CFAP46: variants seen among roughly 807,000 people sequenced by gnomAD.
CFAP46 encodes the protein cilia- and flagella-associated protein 46.
In CFAP46, 245 loss-of-function variants were observed where a neutral mutation model predicts 325.7. The ratio of observed to expected loss-of-function variants is 0.75; its 90% CI spans 0.68 to 0.84. The LOEUF (loss-of-function observed/expected upper bound fraction) is 0.84. Among genes scored for constraint, CFAP46 ranks in the 40% least tolerant of loss-of-function variants. The pLI is 0.00. For synonymous variants in CFAP46, 1,523 were observed against 1,495.9 expected, an observed-to-expected ratio of 1.02 and a Z score of -0.42; for missense variants, 3,346 against 3,543.0, an observed-to-expected ratio of 0.94 and a Z score of 1.41.
rs533922113 is a variant in CFAP46 at position 132,939,975 on chromosome 10, CCT to C, written c.371+1019_371+1020del. Among the ~76,000 whole-genome samples the C allele has an allele frequency of 6.6e-5, 10 of 152,186 alleles. No individual in the cohort carries two copies. The highest frequency in any genetic ancestry group is 1.3e-4 in the Non-Finnish European group (9 of 68,032). On this transcript the variant is annotated intron_variant, in intron 4 of 57. Coordinates refer to ENST00000368586, the MANE Select transcript of CFAP46 (RefSeq NM_001200049.3). The surrounding 1 kb of genome is among the most constrained non-coding windows in gnomAD (Gnocchi z 4.6). Reference sequence around the variant, plus strand: ...GACCTCTGGCAAGGCTCTGTCACCCCCTGACCCGTCCACAGTGCCCCTGAGGG... The same window carrying C: ...GACCTCTGGCAAGGCTCTGTCACCCCGACCCGTCCACAGTGCCCCTGAGGG...
At chr10:132,879,320 G>T in intron 29 of CFAP46, 106 bp downstream of exon 29, 2 of 1,130,196 alleles carry the variant, frequency 1.8e-6, no homozygotes, top group Non-Finnish European at 2.4e-6. Flanking sequence ...TTTAGGAAAT[G>T]CTGGGAAAGA....
intron 50 of CFAP46, among the ~76,000 whole-genome samples, chr10:132,823,963 G>A (rs866953989): frequency 6.5e-5 from 9 of 137,488 alleles, no homozygotes; most frequent in African/African-American, 2.5e-4. Flanking sequence ...TGTGTGCTGT[G>A]TGAGTGCTAA....
chr10:132,897,978 G>T (rs1203782112), intron 24 of CFAP46, among the ~76,000 whole-genome samples: 1 of 106,242 alleles, frequency 9.4e-6, no homozygotes, highest in Non-Finnish European at 1.8e-5. Flanking sequence ...TCTGCCTGCT[G>T]TCTGGTGCCC....
chr10:132,935,804 C>T, intron 7 of CFAP46, among the ~76,000 whole-genome samples: 1 of 107,790 alleles, frequency 9.3e-6, no homozygotes, highest in Admixed American at 9.1e-5. Flanking sequence ...CACATCCAAA[C>T]ACACTGTGAT....
At chr10:132,916,193 C>T (rs1024139948) in intron 17 of CFAP46, among the ~76,000 whole-genome samples, 4 of 152,212 alleles carry the variant, frequency 2.6e-5, no homozygotes, top group Non-Finnish European at 2.9e-5. Flanking sequence ...TTTTCTGCCA[C>T]GAAGACCACC....
chr10:132,910,159 C>T (rs145384274), intron 19 of CFAP46, 91 bp from the exon 20 acceptor site: 47 of 1,218,578 alleles, frequency 3.9e-5, no homozygotes, highest in Admixed American at 8.0e-5. Flanking sequence ...GGATGGAGCC[C>T]GCTCCTGATC....
chr10:132,867,553 A>G (rs1591063393), intron 33 of CFAP46, 46 bp from the exon 34 acceptor site: 2 of 1,539,292 alleles, frequency 1.3e-6, no homozygotes, highest in Non-Finnish European at 1.7e-6. Flanking sequence ...CATGGCCACG[A>G]AAATGTCCCT....
chr10:132,846,149 G>A lies in CFAP46; in HGVS notation c.6346C>T (p.Leu2116=), dbSNP rs1005098464. 6.2e-7 allele frequency: 1 copy of A among 1,611,526 alleles called. No homozygotes were observed. The highest frequency in any genetic ancestry group is 1.3e-5 in the African/African-American group (1 of 75,008). Residue 2116 remains leucine, a synonymous_variant, in exon 44 of 58, where the codon CTG becomes TTG. Coordinates refer to ENST00000368586, the MANE Select transcript of CFAP46 (RefSeq NM_001200049.3). ...CGGAGCTGGTGCTGTAGCTGCAGCA[G>A]GGCCGCCAGCTGTGAGCTGCTGGTG... ...ANTSSSQLAA[L]LQLQHQLRCQ...
chr10:132,823,872 G>A (rs1242457129), intron 50 of CFAP46, among the ~76,000 whole-genome samples: 8 of 144,858 alleles, frequency 5.5e-5, no homozygotes, highest in South Asian at 2.4e-4. Flanking sequence ...CTGTCTGTGC[G>A]CTGATGTGCG....
intron 50 of CFAP46, among the ~76,000 whole-genome samples, chr10:132,824,013 C>CTGATGTGTGCTGTGTGAGTGCTGA (rs377590877): frequency 1.1e-5 from 1 of 90,354 alleles, no homozygotes; most frequent in Non-Finnish European, 2.1e-5. Flanking sequence ...TGTGTGTGTG[C>CTGATGTGTGCTGTGTGAGTGCTGA]TGTGTGCTGT....
chr10:132,831,220 C>CTGTGTGTGTGTGTGTGTG (rs56965336), intron 50 of CFAP46, among the ~76,000 whole-genome samples: 3,384 of 148,122 alleles, frequency 0.023, 42 homozygotes, highest in Non-Finnish European at 0.025. Flanking sequence ...GTCAAATGTT[C>CTGTGTGTGTGTGTGTGTG]TGTGTGTGTG....
intron 4 of CFAP46, among the ~76,000 whole-genome samples, chr10:132,940,578 ACT>A (rs1418248413): frequency 2.7e-5 from 4 of 147,258 alleles, no homozygotes; most frequent in African/African-American, 1.0e-4. Context: ...GAGAAAACAG[ACT>A]CTTTTTTTTT....
intron 8 of CFAP46, among the ~76,000 whole-genome samples, chr10:132,934,062 T>A (rs1849954475): frequency 6.6e-6 from 1 of 152,198 alleles, no homozygotes; most frequent in African/African-American, 2.4e-5. Context: ...AGCTCCTAAG[T>A]TTGTGGGTAC....
intron 50 of CFAP46, among the ~76,000 whole-genome samples, chr10:132,826,527 C>T (rs1422805130): frequency 8.2e-5 from 10 of 122,278 alleles, no homozygotes; most frequent in Admixed American, 1.7e-4. Flanking sequence ...ACCGGAGCCA[C>T]GGAGACCAGC....
At chr10:132,825,482 G>A (rs972042919) in intron 50 of CFAP46, among the ~76,000 whole-genome samples, 2 of 152,200 alleles carry the variant, frequency 1.3e-5, no homozygotes, top group Non-Finnish European at 2.9e-5. Context: ...TCACGATAAT[G>A]TCTTCGTGGA....
Position 132,859,065 on chromosome 10 carries a change from C to A in CFAP46, c.5375+6G>T. The A allele has an allele frequency of 6.5e-7, 1 of 1,549,442 alleles. No homozygotes were observed. Among genetic ancestry groups the A allele is most frequent in the Non-Finnish European group, 8.7e-7 (1 of 1,146,210 alleles). On this transcript the variant is annotated splice_donor_region_variant and intron_variant, in intron 38 of 57. Coordinates refer to ENST00000368586, the MANE Select transcript of CFAP46 (RefSeq NM_001200049.3). ...TCCCGTGCAGGGGTCGTGGAGGCAG[C>A]CTTACCTCTTGATCTTCGCACGCTC...
chr10:132,829,259 G>A (rs1297043903), intron 50 of CFAP46, among the ~76,000 whole-genome samples: 3 of 152,120 alleles, frequency 2.0e-5, no homozygotes, highest in Non-Finnish European at 4.4e-5. Flanking sequence ...TATAGTATGA[G>A]CGTATAAAGT....
chr10:132,916,374 C>T (rs1311832463), intron 17 of CFAP46, among the ~76,000 whole-genome samples, 175 bp downstream of exon 17: 5 of 152,214 alleles, frequency 3.3e-5, no homozygotes, highest in Non-Finnish European at 5.9e-5. Context: ...CCACGTCACC[C>T]CATTTTCTCT....
At chr10:132,825,000 GA>G (rs1848012963) in intron 50 of CFAP46, among the ~76,000 whole-genome samples, 1 of 138,300 alleles carries the variant, frequency 7.2e-6, no homozygotes, top group African/African-American at 2.7e-5. Flanking sequence ...TGTGTGTGCT[GA>G]TGTGTGCTGA....
Sources: allele counts gnomAD v4.1 joint callset (sites outside exome capture counted in the v4.1 genomes callset), GRCh38; gene constraint gnomAD v4.1.1; non-coding constraint Gnocchi (gnomAD v3.1); transcripts MANE v1.5; gene names NCBI Gene and HGNC (gene_info 2026-07-23, HGNC 2026-07-21).